ITSN1: variants seen among roughly 807,000 people sequenced by gnomAD.
The protein encoded by ITSN1 is intersectin 1.
Under a neutral mutation model 239.8 loss-of-function variants are expected in ITSN1, and 58 were observed. The observed-to-expected ratio is 0.24, with a 90% confidence interval of 0.20 to 0.30. The LOEUF (loss-of-function observed/expected upper bound fraction) is 0.30, where lower values mean the gene tolerates loss of function less well. Among genes scored for constraint, ITSN1 ranks in the 10% least tolerant of loss-of-function variants. The pLI, the probability that ITSN1 is intolerant of heterozygous loss-of-function variation, is 1.00. For synonymous variants in ITSN1, 780 were observed against 770.8 expected (o/e 1.01, Z -0.20); for missense variants, 1,558 against 2,103.3 (o/e 0.74, Z 5.07).
chr21:33,882,559 T>C lies in ITSN1; in HGVS notation c.4554+104T>C, dbSNP rs565290413. On this transcript the variant is annotated intron_variant, in intron 35 of 39. Transcript: ENST00000381318. The surrounding 1 kb of genome is among the most constrained non-coding windows in gnomAD (Gnocchi z 4.5). ...TTTAGCAGGGTCAGGGGCTGTGGCA[T>C]GCAGGAGAAGGCCAGGAGTTGAAAT... is the stretch of plus-strand genomic sequence containing the variant. The C allele has an allele frequency of 7.4e-6, 7 of 947,744 alleles. No individual in the cohort carries two copies. Among genetic ancestry groups the C allele is most frequent in the South Asian group, 6.6e-5 (4 of 60,876 alleles). The allele number at this position is 947,744 out of a possible 1,614,324, so 58.7% of individuals were successfully genotyped here.
At position 33,836,547 on chromosome 21, in the gene ITSN1, G is replaced by C. The variant is rs2074614869; in HGVS notation, c.3576G>C (p.Trp1192Cys). ...TCCTCAACAAGGAGGACCCTGACTG[G>C]TGGAAAGGAGAAGTCAATGGACAAG... ...INVLNKEDPD[W>C]WKGEVNGQVG... Residue 1192 changes from tryptophan (W) to cysteine (C), a missense_variant, in exon 29 of 40, where the codon TGG becomes TGC. By Grantham distance (215) the Trp-to-Cys change is radical (BLOSUM62 -2). Coordinates refer to ENST00000381318, the MANE Select transcript of ITSN1 (RefSeq NM_003024.3). 2 of 1,614,028 alleles carry C rather than the reference G, an allele frequency of 1.2e-6. No homozygotes were observed. The highest frequency in any genetic ancestry group is 1.7e-6 in the Non-Finnish European group (2 of 1,179,998).
At chr21:33,753,943 A>C (rs1010196582) in intron 7 of ITSN1, among the ~76,000 whole-genome samples, 1 of 152,144 alleles carries the variant, frequency 6.6e-6, no homozygotes, top group Admixed American at 6.6e-5. Context: ...CACCTTTTTA[A>C]TAACTTAAAT....
chr21:33,828,042 T>G (rs1205503726), intron 26 of ITSN1, among the ~76,000 whole-genome samples: 1 of 152,246 alleles, frequency 6.6e-6, no homozygotes, highest in Non-Finnish European at 1.5e-5. Flanking sequence ...ATCTCCGTTT[T>G]AAGTGTAAGT....
At chr21:33,807,619 T>C (rs192972022) in intron 20 of ITSN1, among the ~76,000 whole-genome samples, 10 of 151,542 alleles carry the variant, frequency 6.6e-5, no homozygotes. Context: ...CCACTGCACC[T>C]GGCCTAAAAG....
At chr21:33,750,575 A>G (rs2067486777) in intron 6 of ITSN1, among the ~76,000 whole-genome samples, 1 of 152,206 alleles carries the variant, frequency 6.6e-6, no homozygotes, top group African/African-American at 2.4e-5. Context: ...CAGCAGTGAA[A>G]GCCACAAATG....
chr21:33,646,384 T>C (rs1476001539), intron 1 of ITSN1, among the ~76,000 whole-genome samples: 1 of 152,166 alleles, frequency 6.6e-6, no homozygotes, highest in Non-Finnish European at 1.5e-5. Flanking sequence ...TATCAAAATA[T>C]CATTTTATAA....
intron 1 of ITSN1, among the ~76,000 whole-genome samples, chr21:33,677,536 C>T (rs760295231): frequency 1.4e-4 from 22 of 151,940 alleles, no homozygotes; most frequent in South Asian, 2.1e-4. Flanking sequence ...GACAGGGTTT[C>T]GCCCTGTTGG....
At chr21:33,764,074 C>A (rs928219235) in intron 9 of ITSN1, among the ~76,000 whole-genome samples, 11 of 152,098 alleles carry the variant, frequency 7.2e-5, no homozygotes, top group African/African-American at 2.4e-4. Flanking sequence ...GAACAGTATC[C>A]TAGGGCCCCC....
chr21:33,795,966 T>TA (rs1555919445), intron 17 of ITSN1, among the ~76,000 whole-genome samples: 42 of 148,108 alleles, frequency 2.8e-4, no homozygotes, highest in African/African-American at 8.1e-4. Context: ...TTTTTTTTTT[T>TA]AATTTTTTAT....
intron 9 of ITSN1, among the ~76,000 whole-genome samples, chr21:33,764,304 A>C (rs1269273577): frequency 1.3e-5 from 2 of 152,268 alleles, no homozygotes; most frequent in Non-Finnish European, 2.9e-5. Context: ...ATCATAATTT[A>C]GGTAAGTGTG....
At chr21:33,861,332 C>CT in intron 31 of ITSN1, among the ~76,000 whole-genome samples, 1 of 152,040 alleles carries the variant, frequency 6.6e-6, no homozygotes, top group Non-Finnish European at 1.5e-5. Flanking sequence ...GCAGCAATCC[C>CT]TGGAGTGCCA....
intron 1 of ITSN1, among the ~76,000 whole-genome samples, chr21:33,653,068 C>T (rs2088691642): frequency 6.7e-6 from 1 of 150,096 alleles, no homozygotes; most frequent in East Asian, 2.0e-4. Flanking sequence ...AGTCTTGGCT[C>T]ACTGCAACCT....
intron 16 of ITSN1, among the ~76,000 whole-genome samples, chr21:33,785,330 C>G (rs910378851): frequency 1.4e-4 from 22 of 152,122 alleles, no homozygotes; most frequent in African/African-American, 5.3e-4. Context: ...AGAGTTATGT[C>G]CAGTTTCTTA....
Position 33,735,224 on chromosome 21 carries a change from G to T in ITSN1, c.346+20G>T. On this transcript the variant is annotated intron_variant, in intron 5 of 39. Transcript: ENST00000381318. ...CATTTGGTAAGTCTGAAAATGAATT[G>T]GTTTCTGTATTTTCTTGTATATTTT... 6.2e-7 allele frequency: 1 copy of T among 1,605,304 alleles called. No individual in the cohort carries two copies. Among genetic ancestry groups the T allele is most frequent in the Non-Finnish European group, 8.5e-7 (1 of 1,174,868 alleles).
At chr21:33,806,639 C>T (rs777189364) in intron 20 of ITSN1, among the ~76,000 whole-genome samples, 2 of 152,222 alleles carry the variant, frequency 1.3e-5, no homozygotes, top group Non-Finnish European at 2.9e-5. Context: ...AGCTCTGTAA[C>T]ATAGTCCCAG....
rs544261869 is a variant in ITSN1 at position 33,772,184 on chromosome 21, C to T, written c.1166C>T (p.Ala389Val). The change falls in exon 12 of 40, where the codon GCG becomes GTG. Residue 389 changes from alanine (A) to valine (V), a missense_variant. Coordinates refer to ENST00000381318, the MANE Select transcript of ITSN1 (RefSeq NM_003024.3). ...GAGCGCCTGGCCCAGCTGGAGCGGG[C>T]GGAGCAGGAGAGGAAGGAGCGTGAG... ...EQERLAQLERAEQERKERERQ... is the reference protein window; with the variant it reads ...EQERLAQLERVEQERKERERQ... The T allele has an allele frequency of 1.5e-5, 25 of 1,613,862 alleles. No individual in the cohort carries two copies. The highest frequency in any genetic ancestry group is 1.7e-4 in the Middle Eastern group (1 of 6,060).
chr21:33,819,089 TTATG>T (rs1476785592), intron 23 of ITSN1, 148 bp from the exon 24 acceptor site: 2 of 596,902 alleles, frequency 3.4e-6, no homozygotes, highest in Non-Finnish European at 6.0e-6. Context: ...TAGTACCTTA[TTATG>T]TGTTTTTAAC....
At chr21:33,657,763 G>A (rs2089212980) in intron 1 of ITSN1, among the ~76,000 whole-genome samples, 1 of 152,132 alleles carries the variant, frequency 6.6e-6, no homozygotes. Context: ...AAGTGAGAAG[G>A]TTGCTCGAGA....
chr21:33,730,082 A>G (rs2066079792), intron 4 of ITSN1, among the ~76,000 whole-genome samples: 1 of 151,744 alleles, frequency 6.6e-6, no homozygotes, highest in African/African-American at 2.4e-5. Flanking sequence ...GATTAGGTTT[A>G]TTTTCATTTT....
Sources: allele counts gnomAD v4.1 joint callset (sites outside exome capture counted in the v4.1 genomes callset), GRCh38; gene constraint gnomAD v4.1.1; non-coding constraint Gnocchi (gnomAD v3.1); transcripts MANE v1.5; gene names NCBI Gene and HGNC (gene_info 2026-07-23, HGNC 2026-07-21).